The following DPP6 variants were observed in gnomAD, a reference collection of about 807,000 sequenced individuals.
DPP6 encodes dipeptidyl peptidase like 6, also known as A-type potassium channel modulatory protein DPP6.
DPP6 carries 69 observed loss-of-function variants against 122.6 expected under a neutral mutation model. The ratio of observed to expected loss-of-function variants is 0.56; its 90% confidence interval spans 0.46 to 0.69. The LOEUF is 0.69. Among genes scored for constraint, DPP6 ranks in the 30% least tolerant of loss-of-function variants. The pLI, the probability that DPP6 is intolerant of heterozygous loss-of-function variation, is 0.00. For synonymous variants in DPP6, 418 were observed against 433.1 expected (o/e 0.97, Z 0.43); for missense variants, 928 against 1,116.9 (o/e 0.83, Z 2.41).
chr7:153,812,364 T>G, the DPP6 span, among the ~76,000 whole-genome samples: 1 of 152,090 alleles, frequency 6.6e-6, no homozygotes, highest in Non-Finnish European at 1.5e-5. Flanking sequence ...ATTTTCTTAA[T>G]ATCATTTTTG....
At chr7:153,937,254 G>A (rs537981138) in intron 1 of DPP6, among the ~76,000 whole-genome samples, 1 of 152,290 alleles carries the variant, frequency 6.6e-6, no homozygotes, top group African/African-American at 2.4e-5. Context: ...AGGAGGTGGG[G>A]CTGTAAGATT....
chr7:154,653,619 C>T (rs557922804), intron 6 of DPP6, among the ~76,000 whole-genome samples: 1 of 152,076 alleles, frequency 6.6e-6, no homozygotes, highest in Non-Finnish European at 1.5e-5. Context: ...AGATGATAGA[C>T]TGATTGGTTG....
At chr7:154,142,076 T>C (rs1312286850) in intron 1 of DPP6, among the ~76,000 whole-genome samples, 2 of 152,178 alleles carry the variant, frequency 1.3e-5, no homozygotes, top group Non-Finnish European at 2.9e-5. Flanking sequence ...TTTCTATTTG[T>C]GCTTAGAATT....
chr7:154,681,653 T>C (rs1026271355), intron 7 of DPP6, among the ~76,000 whole-genome samples: 1 of 152,146 alleles, frequency 6.6e-6, no homozygotes, highest in African/African-American at 2.4e-5. Flanking sequence ...CCTAATCGGG[T>C]TCTGTAGATT....
At chr7:154,593,431 A>G (rs1178738801) in intron 5 of DPP6, among the ~76,000 whole-genome samples, 3 of 152,212 alleles carry the variant, frequency 2.0e-5, no homozygotes, top group Admixed American at 6.5e-5. Context: ...TTTTACCTTA[A>G]GAGTTAGATT....
At chr7:154,881,351 A>T (rs1383509605) in intron 21 of DPP6, among the ~76,000 whole-genome samples, 1 of 152,182 alleles carries the variant, frequency 6.6e-6, no homozygotes, top group Non-Finnish European at 1.5e-5. Flanking sequence ...AGGTGTGGGG[A>T]GGGTCGCGCA....
intron 1 of DPP6, among the ~76,000 whole-genome samples, chr7:153,990,748 C>T (rs369127360): frequency 0.015 from 2,349 of 151,946 alleles, 5 homozygotes; most frequent in East Asian, 0.14. Flanking sequence ...GTGTGGGGGC[C>T]TCAGGGAAGG....
chr7:154,077,425 A>G (rs1397665073), intron 1 of DPP6, among the ~76,000 whole-genome samples: 1 of 152,116 alleles, frequency 6.6e-6, no homozygotes, highest in African/African-American at 2.4e-5. Context: ...CTCCTTATTT[A>G]TAGTTCTGTG....
chr7:154,426,229 A>G (rs369910347), intron 1 of DPP6, among the ~76,000 whole-genome samples: 1 of 152,210 alleles, frequency 6.6e-6, no homozygotes, highest in Non-Finnish European at 1.5e-5. Context: ...GTTTGGCAAA[A>G]CACTTTGGTA....
intron 1 of DPP6, among the ~76,000 whole-genome samples, chr7:153,894,167 C>T (rs1799314786): frequency 6.6e-6 from 1 of 152,138 alleles, no homozygotes; most frequent in Admixed American, 6.5e-5. Context: ...TTCCAAGGAC[C>T]ACAAGGATTT....
At chr7:154,102,592 G>A (rs575107178) in intron 1 of DPP6, among the ~76,000 whole-genome samples, 4 of 152,196 alleles carry the variant, frequency 2.6e-5, no homozygotes, top group Admixed American at 2.6e-4. Flanking sequence ...TTCTCAAGTT[G>A]TCTCCTCAGC....
At chr7:154,003,114 C>G (rs1235826762) in intron 1 of DPP6, among the ~76,000 whole-genome samples, 1 of 152,096 alleles carries the variant, frequency 6.6e-6, no homozygotes, top group African/African-American at 2.4e-5. Flanking sequence ...TTGAGACTTC[C>G]AAAAGGTTAG....
At chr7:154,614,997 G>A (rs184479031) in intron 5 of DPP6, among the ~76,000 whole-genome samples, 62 of 152,330 alleles carry the variant, frequency 4.1e-4, no homozygotes, top group African/African-American at 1.4e-3. Context: ...TGCAGGCTAC[G>A]TTGGGCGCTG....
At chr7:154,431,790 C>A (rs972711096) in intron 1 of DPP6, among the ~76,000 whole-genome samples, 4 of 152,130 alleles carry the variant, frequency 2.6e-5, no homozygotes, top group Non-Finnish European at 5.9e-5. Flanking sequence ...ACCTCAGCCT[C>A]CCAAAGTGCT....
At chr7:154,511,984 T>A (rs975082063) in intron 3 of DPP6, among the ~76,000 whole-genome samples, 1 of 152,234 alleles carries the variant, frequency 6.6e-6, no homozygotes, top group African/African-American at 2.4e-5. Flanking sequence ...AATCAGTTCC[T>A]TGATTCTTTA....
At chr7:154,664,272 C>A (rs1233027461) in intron 6 of DPP6, among the ~76,000 whole-genome samples, 1 of 152,228 alleles carries the variant, frequency 6.6e-6, no homozygotes, top group East Asian at 1.9e-4. Context: ...GGCGTATTGG[C>A]CCTAGTGTTC....
the DPP6 span, among the ~76,000 whole-genome samples, chr7:153,779,648 G>A: frequency 0.063 from 7,825 of 124,280 alleles, 893 homozygotes; most frequent in African/African-American, 0.23. Context: ...ACTAAGGGAC[G>A]TTCGGCAAAA....
At chr7:154,094,133 C>T (rs981879897) in intron 1 of DPP6, 17 of 152,252 alleles carry the variant, frequency 1.1e-4, no homozygotes, top group East Asian at 5.8e-4. Context: ...ACGGTATCCC[C>T]GGGAGAACTC....
rs933349955 is a variant in DPP6, at chr7:154,576,751, C to T, written c.627+9835C>T. 2.6e-3 allele frequency among the ~76,000 whole-genome samples: 403 copies of T among 152,144 alleles called. 2 individuals are homozygous for T. Among genetic ancestry groups the T allele is most frequent in the African/African-American group, 8.8e-3 (366 of 41,514 alleles). The stretch of plus-strand genomic sequence containing the variant: ...GGGGAGGAGGCTGCTCACTATCTCC[C>T]CTGAGTATTCAGCACCCACGACCTG... On this transcript the variant is annotated intron_variant, in intron 5 of 25. Transcript: ENST00000377770.
Sources: gnomAD v4.1 joint callset for allele counts (sites outside exome capture counted in the v4.1 genomes callset) on GRCh38, gnomAD v4.1.1 for gene constraint, MANE v1.5 for transcripts, NCBI Gene and HGNC (gene_info 2026-07-23, HGNC 2026-07-21) for gene names.